AP4B1: variants seen among roughly 807,000 people sequenced by gnomAD.
The protein encoded by AP4B1 is AP-4 complex subunit beta-1.
AP4B1 carries 49 observed loss-of-function variants against 76.5 expected under a neutral mutation model. The ratio of observed to expected loss-of-function variants is 0.64; its 90% confidence interval spans 0.51 to 0.81. The LOEUF (loss-of-function observed/expected upper bound fraction) is 0.81. AP4B1 is among the 40% of genes least tolerant of loss of function. The pLI is 0.00. For missense variants in AP4B1, 911 were observed against 904.9 expected, an observed-to-expected ratio of 1.01 and a Z score of -0.09; for synonymous variants, 330 against 333.3, an observed-to-expected ratio of 0.99 and a Z score of 0.11.
chr1:113,896,668 T>C (rs1667511364), intron 7 of AP4B1: 1 of 613,168 alleles, frequency 1.6e-6, no homozygotes, highest in Non-Finnish European at 2.9e-6. Context: ...AAGAGGAAAC[T>C]CAAAACTTTC....
chr1:113,902,132 C>T (rs573758056), intron 2 of AP4B1: 9 of 485,268 alleles, frequency 1.9e-5, no homozygotes, highest in Admixed American at 9.4e-5. Flanking sequence ...CTTGAATTCC[C>T]GGGCCCAAGC....
chr1:113,903,315 C>T (rs1027002216), intron 1 of AP4B1, among the ~76,000 whole-genome samples: 2 of 152,244 alleles, frequency 1.3e-5, no homozygotes, highest in African/African-American at 4.8e-5. Flanking sequence ...ATCCACCCGC[C>T]TTGGCCTCCC....
chr1:113,896,568 A>G (rs776877291), intron 7 of AP4B1, 103 bp from the exon 8 acceptor site: 154 of 1,038,668 alleles, frequency 1.5e-4, no homozygotes, highest in Non-Finnish European at 2.1e-4. Flanking sequence ...GTGCCAGCAG[A>G]AAAGGTGTAA....
Position 113,901,353 on chromosome 1 carries a change from A to G in AP4B1, c.500T>C (p.Leu167Ser). Residue 167 changes from leucine (L) to serine (S), a missense_variant, in exon 4 of 10, where the codon TTG (leucine) becomes TCG (serine). Coordinates refer to ENST00000369569, the MANE Select transcript of AP4B1 (RefSeq NM_001253852.3). ...DGALVNELYS[L>S]LRDQDPIVVV... ...TACAATTGGATCCTGGTCACGCAGC[A>G]AACTGTATAATTCATTTACCAGGGC... The G allele has an allele frequency of 6.2e-7, 1 of 1,614,164 alleles. No individual in the cohort carries two copies. The highest frequency in any genetic ancestry group is 8.5e-7 in the Non-Finnish European group (1 of 1,180,004).
At position 113,902,862 on chromosome 1, in the gene AP4B1, C is replaced by T. The variant is rs1174937514; in HGVS notation, c.114G>A (p.Arg38=). Residue 38 remains arginine (R), a splice_region_variant and synonymous_variant, in exon 2 of 10, where the codon AGG becomes AGA. Coordinates refer to ENST00000369569, the MANE Select transcript of AP4B1 (RefSeq NM_001253852.3). The part of the protein sequence containing the change: ...RYRNVIQRVI[R]YMTQGLDMSG... ...ACATGTCCAAGCCTTGAGTCATGTA[C>T]CTGAACAACGCACATGACAGAAGGA... 1 of 1,613,816 alleles carries T rather than the reference C, an allele frequency of 6.2e-7. No homozygotes were observed. Among genetic ancestry groups the T allele is most frequent in the South Asian group, 1.1e-5 (1 of 91,076 alleles).
chr1:113,901,368 T>C lies in AP4B1; in HGVS notation c.485A>G (p.Asn162Ser). 2 of 1,614,068 alleles carry C rather than the reference T, an allele frequency of 1.2e-6. No homozygotes were observed. Among genetic ancestry groups the C allele is most frequent in the Non-Finnish European group, 1.7e-6 (2 of 1,179,970 alleles). ...GDSEVDGALV[N>S]ELYSLLRDQD... ...GTCACGCAGCAAACTGTATAATTCA[T>C]TTACCAGGGCACCATCTATAAAAAA... The change falls in exon 4 of 10, where the codon AAT becomes AGT. Residue 162 changes from asparagine (N) to serine (S), a missense_variant. By Grantham distance (46) the Asn-to-Ser change is conservative (BLOSUM62 1). Coordinates refer to ENST00000369569, the MANE Select transcript of AP4B1 (RefSeq NM_001253852.3).
At chr1:113,897,165 G>A (rs1163111737) in intron 7 of AP4B1, 2 of 104,118 alleles carry the variant, frequency 1.9e-5, no homozygotes, top group Non-Finnish European at 3.7e-5. Context: ...AAAGTTATCT[G>A]TCTAGGTCCA....
At chr1:113,897,797 G>A (rs1269800073) in intron 7 of AP4B1, 43 bp downstream of exon 7, 2 of 1,595,126 alleles carry the variant, frequency 1.3e-6, no homozygotes, top group Non-Finnish European at 8.6e-7. Flanking sequence ...AGGGTTTCAA[G>A]CATTCTCCCC....
Position 113,899,923 on chromosome 1 carries a change from C to T in AP4B1, c.1095G>A (p.Gln365=), listed in dbSNP as rs149226938. ...YCTDVSADFA[Q]AAIFAIGGIA... ...ACCTACCTATGGCAAAGATGGCAGC[C>T]TGTGCAAAGTCCGCAGACACATCCG... Residue 365 remains glutamine (Q), a synonymous_variant, in exon 5 of 10, where the codon CAG becomes CAA. Coordinates refer to ENST00000369569, the MANE Select transcript of AP4B1 (RefSeq NM_001253852.3). The T allele has an allele frequency of 6.2e-7, 1 of 1,614,066 alleles. No individual in the cohort carries two copies. Among genetic ancestry groups the T allele is most frequent in the African/African-American group, 1.3e-5 (1 of 74,922 alleles).
Position 113,904,684 on chromosome 1 carries a change from C to G in AP4B1, c.34G>C (p.Glu12Gln). 1.2e-6 allele frequency: 2 copies of G among 1,612,760 alleles called. No homozygotes were observed. Among genetic ancestry groups the G allele is most frequent in the Non-Finnish European group, 1.7e-6 (2 of 1,180,030 alleles). ...GGATTGCACAGAGCCTTCTTCAGCT[C>G]CTTCACCACGTCCTCGGAGCCAAGG... is the stretch of plus-strand genomic sequence containing the variant. ...PYLGSEDVVKELKKALCNPHI... is the reference protein window; with the variant it reads ...PYLGSEDVVKQLKKALCNPHI... The change falls in exon 1 of 10, where the codon GAG (glutamate) becomes CAG (glutamine). Residue 12 changes from glutamate (E) to glutamine (Q), a missense_variant. Transcript: ENST00000369569.
upstream of AP4B1, chr1:113,904,846 C>G (rs1668774317): frequency 2.3e-6 from 2 of 851,588 alleles, no homozygotes; most frequent in Non-Finnish European, 3.9e-6. Context: ...GATCTCGCCT[C>G]AGGCTCGGCT....
upstream of AP4B1, chr1:113,904,995 G>T (rs1668806000): frequency 2.2e-6 from 1 of 449,542 alleles, no homozygotes; most frequent in Non-Finnish European, 4.1e-6. Flanking sequence ...CTACTTCTAG[G>T]TCCTCCGCCG....
At chr1:113,895,686 T>G in intron 9 of AP4B1, 71 bp downstream of exon 9, 1 of 1,599,508 alleles carries the variant, frequency 6.3e-7, no homozygotes, top group East Asian at 2.2e-5. Context: ...GCTAAGATAC[T>G]CTACTTTCCA....
In AP4B1 at chr1:113,895,907, G is replaced by T. The variant is rs866175993; in HGVS notation, c.1642C>A (p.Pro548Thr). The change falls in exon 9 of 10, where the codon CCG becomes ACG. Residue 548 changes from proline to threonine, a missense_variant. By Grantham distance (38) the Pro-to-Thr change is conservative. Transcript: ENST00000369569. ...SDPTLGLLEDPAERPVNSWAS... is the reference protein window; with the variant it reads ...SDPTLGLLEDTAERPVNSWAS... The stretch of plus-strand genomic sequence containing the variant: ...CAGCTATTCACAGGTCTTTCTGCCG[G>T]ATCCTCCAAAAGTCCAAGAGTAGGG... The T allele has an allele frequency of 7.4e-6, 12 of 1,614,058 alleles. No homozygotes were observed. Among genetic ancestry groups the T allele is most frequent in the Admixed American group, 5.0e-5 (3 of 60,002 alleles).
chr1:113,901,690 AC>A (rs1308170646), intron 3 of AP4B1, 64 bp downstream of exon 3: 1 of 1,603,090 alleles, frequency 6.2e-7, no homozygotes, highest in African/African-American at 1.3e-5. Context: ...CCAAAGCCAC[AC>A]AATCTTTTTT....
rs558196790 is a variant in AP4B1 at position 113,901,397 on chromosome 1, C to T, written c.470-14G>A. 2.4e-5 allele frequency: 39 copies of T among 1,613,110 alleles called. No homozygotes were observed. The East Asian group carries it at 7.8e-4, about 32-fold the overall frequency. On this transcript the variant is annotated splice_polypyrimidine_tract_variant and intron_variant, in intron 3 of 9. Transcript: ENST00000369569. ...CCAGGGCACCATCTATAAAAAAGAA[C>T]AAAGTTCTTAGATAAAGAAGGAAAG...
At position 113,898,678 on chromosome 1, in the gene AP4B1, C is replaced by T. The variant is rs1368778417; in HGVS notation, c.1198+40G>A. The T allele has an allele frequency of 4.6e-6, 7 of 1,514,576 alleles. No individual in the cohort carries two copies. The Middle Eastern group carries it at 6.8e-4, about 147-fold the overall frequency. 93.8% of individuals were successfully genotyped at this position (1,514,576 alleles called of 1,614,324 possible). ...TGAGCAACTACTATAGGCCAGGCAC[C>T]TGACAAAAAAAACAAAAATCCTAAA... is the stretch of plus-strand genomic sequence containing the variant. On this transcript the variant is annotated intron_variant, in intron 6 of 9. Coordinates refer to ENST00000369569, the MANE Select transcript of AP4B1 (RefSeq NM_001253852.3).
At chr1:113,898,458 G>A (rs2101012906) in intron 6 of AP4B1, among the ~76,000 whole-genome samples, 1 of 152,268 alleles carries the variant, frequency 6.6e-6, no homozygotes, top group East Asian at 1.9e-4. Context: ...AAAAAGAGAA[G>A]TAAAGATGGT....
intron 5 of AP4B1, 119 bp downstream of exon 5, chr1:113,899,785 T>G (rs759263435): frequency 6.6e-7 from 1 of 1,515,848 alleles, no homozygotes; most frequent in East Asian, 2.3e-5. Flanking sequence ...AATTATTTAG[T>G]GCATAGTACT....
Sources: allele counts gnomAD v4.1 joint callset (sites outside exome capture counted in the v4.1 genomes callset), GRCh38; gene constraint gnomAD v4.1.1; transcripts MANE v1.5; gene names NCBI Gene and HGNC (gene_info 2026-07-23, HGNC 2026-07-21).